AK5: variants seen among roughly 807,000 people sequenced by gnomAD.
The protein encoded by AK5 is adenylate kinase isoenzyme 5.
A neutral mutation model predicts 69.5 loss-of-function variants in AK5; 27 were observed. The observed-to-expected ratio is 0.39, with a 90% CI of 0.29 to 0.54. The LOEUF is 0.54. Among genes scored for constraint, AK5 ranks in the 20% least tolerant of loss-of-function variants. AK5 has a pLI of 0.71. For synonymous variants in AK5, 260 were observed against 244.4 expected (o/e 1.06, Z -0.60); for missense variants, 531 against 700.4 (o/e 0.76, Z 2.73).
chr1:77,537,578 C>A (rs1289800412), intron 13 of AK5, among the ~76,000 whole-genome samples: 1 of 151,914 alleles, frequency 6.6e-6, no homozygotes, highest in Non-Finnish European at 1.5e-5. Context: ...TGTCCAGGAA[C>A]AAAATCCTGA....
chr1:77,474,964 G>C (rs1215120569), intron 8 of AK5, among the ~76,000 whole-genome samples: 1 of 151,586 alleles, frequency 6.6e-6, no homozygotes. Context: ...ACCATGTCTA[G>C]CTATTTTTTT....
chr1:77,484,155 G>A (rs12731121), intron 9 of AK5, among the ~76,000 whole-genome samples: 21,390 of 119,706 alleles, frequency 0.18, 1,777 homozygotes, highest in Admixed American at 0.25. Flanking sequence ...GTGAGACTAC[G>A]TCTCAAAAAA....
rs1661088124 is a variant in AK5 at position 77,331,575 on chromosome 1, G to T, written c.700-8802G>T. On this transcript the variant is annotated intron_variant, in intron 5 of 13. Transcript: ENST00000354567. Reference sequence around the variant, plus strand: ...TCACCCACAGGTTAAATCCAAATTGGTCATGATATGTATAATCCTTTTTAT... The same window carrying T: ...TCACCCACAGGTTAAATCCAAATTGTTCATGATATGTATAATCCTTTTTAT... Among the ~76,000 whole-genome samples, 3 of 152,050 alleles carry T rather than the reference G, an allele frequency of 2.0e-5. No homozygotes were observed. The South Asian group carries it at 6.2e-4, about 32-fold the overall frequency.
chr1:77,369,199 G>A (rs1647074360), intron 6 of AK5, among the ~76,000 whole-genome samples: 1 of 152,008 alleles, frequency 6.6e-6, no homozygotes, highest in African/African-American at 2.4e-5. Flanking sequence ...TCAAGTTCAG[G>A]GAGGCTAAAT....
intron 13 of AK5, among the ~76,000 whole-genome samples, chr1:77,557,853 A>G (rs1557673350): frequency 6.6e-6 from 1 of 152,162 alleles, no homozygotes; most frequent in Non-Finnish European, 1.5e-5. Context: ...CCCATATACT[A>G]GTTACACTGC....
At position 77,559,075 on chromosome 1, in the gene AK5, T is replaced by TTACA. The variant is rs1264106740; in HGVS notation, c.*409_*412dup. ...CCTAACCCCCAGTCACACCTTCCTC[T>TTACA]TACATACTGTTCCCCAATGGAGGCC... On this transcript the variant is annotated 3_prime_UTR_variant, in exon 14 of 14. Coordinates refer to ENST00000354567, the MANE Select transcript of AK5 (RefSeq NM_174858.3). 6.4e-6 allele frequency: 1 copy of TTACA among 155,690 alleles called. No homozygotes were observed. Among genetic ancestry groups the TTACA allele is most frequent in the East Asian group, 1.9e-4 (1 of 5,342 alleles). 9.6% of individuals were successfully genotyped at this position (155,690 alleles called of 1,614,324 possible).
intron 6 of AK5, among the ~76,000 whole-genome samples, chr1:77,357,685 A>T (rs1420491794): frequency 6.6e-6 from 1 of 152,234 alleles, no homozygotes; most frequent in Non-Finnish European, 1.5e-5. Flanking sequence ...CCTGAAATCC[A>T]GTTCTGAGAG....
intron 5 of AK5, among the ~76,000 whole-genome samples, chr1:77,317,354 T>C (rs1660297730): frequency 6.6e-6 from 1 of 152,192 alleles, no homozygotes; most frequent in Non-Finnish European, 1.5e-5. Flanking sequence ...GTCGCTTCTA[T>C]CACTTTCTAT....
intron 5 of AK5, among the ~76,000 whole-genome samples, chr1:77,326,044 C>A (rs1489489580): frequency 6.6e-6 from 1 of 152,046 alleles, no homozygotes; most frequent in Non-Finnish European, 1.5e-5. Flanking sequence ...GAACAAGATG[C>A]ACTAAAGATA....
At chr1:77,374,625 A>G (rs1647190433) in intron 6 of AK5, among the ~76,000 whole-genome samples, 1 of 151,962 alleles carries the variant, frequency 6.6e-6, no homozygotes, top group African/African-American at 2.4e-5. Context: ...TGCGAGACTA[A>G]CCTGAGAAGC....
intron 5 of AK5, among the ~76,000 whole-genome samples, chr1:77,317,424 C>CT (rs961534276): frequency 5.3e-5 from 8 of 151,430 alleles, no homozygotes; most frequent in South Asian, 2.1e-4. Flanking sequence ...TTAGAATCCA[C>CT]TTTTTTTTTA....
chr1:77,425,600 G>GA (rs1651151766), intron 8 of AK5, among the ~76,000 whole-genome samples: 1 of 151,798 alleles, frequency 6.6e-6, no homozygotes, highest in Non-Finnish European at 1.5e-5. Context: ...AAAAAGAAAA[G>GA]AAAAGAAAAA....
At chr1:77,332,463 G>A (rs1237376757) in intron 5 of AK5, among the ~76,000 whole-genome samples, 1 of 149,338 alleles carries the variant, frequency 6.7e-6, no homozygotes, top group Non-Finnish European at 1.5e-5. Context: ...AAATGTTTTA[G>A]AATGTCACAA....
chr1:77,443,257 T>C (rs1652440909), intron 8 of AK5, among the ~76,000 whole-genome samples: 1 of 152,196 alleles, frequency 6.6e-6, no homozygotes. Flanking sequence ...TCTGGGGTGC[T>C]CAACTGGTAT....
chr1:77,428,090 C>T (rs563975443), intron 8 of AK5, among the ~76,000 whole-genome samples: 9 of 152,264 alleles, frequency 5.9e-5, no homozygotes, highest in South Asian at 2.1e-4. Context: ...ACCTCCAAAT[C>T]GTATTAATGA....
intron 8 of AK5, among the ~76,000 whole-genome samples, chr1:77,464,960 C>A (rs1654050854): frequency 6.6e-6 from 1 of 152,154 alleles, no homozygotes. Context: ...ATTCTGATGG[C>A]AGACTTTGGG....
intron 8 of AK5, among the ~76,000 whole-genome samples, chr1:77,428,746 CT>C (rs1220198383): frequency 2.0e-5 from 3 of 152,174 alleles, no homozygotes; most frequent in Non-Finnish European, 4.4e-5. Flanking sequence ...AATGCTACCC[CT>C]ACCCCCTCCC....
intron 5 of AK5, among the ~76,000 whole-genome samples, chr1:77,311,802 G>C (rs568686728): frequency 2.6e-5 from 4 of 152,096 alleles, no homozygotes; most frequent in Admixed American, 6.5e-5. Flanking sequence ...GGTGTTAAAG[G>C]CTGCCCAGAA....
At chr1:77,330,724 C>A (rs901015845) in intron 5 of AK5, among the ~76,000 whole-genome samples, 1 of 152,154 alleles carries the variant, frequency 6.6e-6, no homozygotes, top group African/African-American at 2.4e-5. Flanking sequence ...TTTGAATCAG[C>A]TTTCCAATTT....
Sources: allele counts gnomAD v4.1 joint callset (sites outside exome capture counted in the v4.1 genomes callset), GRCh38; gene constraint gnomAD v4.1.1; transcripts MANE v1.5; gene names NCBI Gene and HGNC (gene_info 2026-07-23, HGNC 2026-07-21).